Variants in TBC1D5 observed in about 807,000 individuals in gnomAD.
TBC1D5 encodes TBC1 domain family, member 5.
A neutral mutation model predicts 100.3 loss-of-function variants in TBC1D5; 75 were observed. The ratio of observed to expected loss-of-function variants is 0.75; its 90% CI spans 0.62 to 0.91. The LOEUF (loss-of-function observed/expected upper bound fraction) is 0.91. Ranked by LOEUF, TBC1D5 falls within the 40% of genes least tolerant of loss-of-function variation. The pLI is 0.00. For synonymous variants in TBC1D5, 323 were observed against 325.6 expected, an observed-to-expected ratio of 0.99 and a Z score of 0.09; for missense variants, 910 against 942.4, an observed-to-expected ratio of 0.97 and a Z score of 0.45.
At chr3:17,377,314 A>G (rs551500854) in intron 9 of TBC1D5, among the ~76,000 whole-genome samples, 31 of 152,088 alleles carry the variant, frequency 2.0e-4, no homozygotes, top group Non-Finnish European at 4.4e-4. Context: ...ACAAAAAGGT[A>G]TAATATTAGT....
At position 17,561,846 on chromosome 3, in the gene TBC1D5, C is replaced by T. The variant is rs1382896264; in HGVS notation, c.-35-53241G>A. On this transcript the variant is annotated intron_variant, in intron 2 of 21. Transcript: ENST00000253692. ...AGAGGAACGATCTCACAAAACATCACGAACAAGAAGTAATCTTTCCAAAAA... is the reference window on the plus strand; with the variant it reads ...AGAGGAACGATCTCACAAAACATCATGAACAAGAAGTAATCTTTCCAAAAA... Among the ~76,000 whole-genome samples, 6 of 152,054 alleles carry T rather than the reference C, an allele frequency of 3.9e-5. No individual in the cohort carries two copies. The South Asian group carries it at 6.2e-4, about 16-fold the overall frequency.
chr3:17,421,388 A>G lies in TBC1D5; in HGVS notation c.167+7062T>C, dbSNP rs371936748. ...ACAAATCTAAGAACAAACAAGATGC[A>G]AGAAAATTTGATGAGATTAAATATA... On this transcript the variant is annotated intron_variant, in intron 4 of 21. Transcript: ENST00000253692. Among the ~76,000 whole-genome samples the G allele has an allele frequency of 1.8e-4, 27 of 152,334 alleles. No homozygotes were observed. In the South Asian group the frequency reaches 5.6e-3, roughly 32 times the overall value.
rs1488979563 is a variant in TBC1D5, at chr3:17,393,317, T to A, written c.510-9302A>T. 2.6e-5 allele frequency among the ~76,000 whole-genome samples: 4 copies of A among 151,982 alleles called. No homozygotes were observed. The East Asian group carries it at 7.7e-4, about 29-fold the overall frequency. ...AACTACAAACCACTGCTCAAGGAAA[T>A]AAGAGAGGACACAAACAAATGGAAA... On this transcript the variant is annotated intron_variant, in intron 8 of 21. Coordinates refer to ENST00000253692, the Ensembl canonical transcript of TBC1D5.
At chr3:17,626,646 G>T (rs374927290) in intron 1 of TBC1D5, among the ~76,000 whole-genome samples, 1 of 152,064 alleles carries the variant, frequency 6.6e-6, no homozygotes, top group Admixed American at 6.6e-5. Flanking sequence ...CTTCACAGAG[G>T]GGGCAAGACA....
intron 2 of TBC1D5, among the ~76,000 whole-genome samples, chr3:17,582,767 T>G (rs1237950222): frequency 2.1e-5 from 3 of 143,238 alleles, no homozygotes; most frequent in Non-Finnish European, 4.6e-5. Flanking sequence ...TTAAAAAAAC[T>G]ACACAGATAC....
At chr3:17,504,165 T>C (rs1335891324) in intron 3 of TBC1D5, among the ~76,000 whole-genome samples, 22 of 268 alleles carry the variant, frequency 0.082, 1 homozygote, top group African/African-American at 0.23. Flanking sequence ...TAAGCAATTA[T>C]TAATTAACAT....
intron 13 of TBC1D5, among the ~76,000 whole-genome samples, chr3:17,318,837 G>C (rs1258822924): frequency 6.6e-6 from 1 of 152,050 alleles, no homozygotes; most frequent in East Asian, 1.9e-4. Context: ...GGTTTTTCTG[G>C]GTAGAAGAAA....
At chr3:17,571,136 A>G (rs1037841659) in intron 2 of TBC1D5, among the ~76,000 whole-genome samples, 4 of 152,046 alleles carry the variant, frequency 2.6e-5, no homozygotes, top group African/African-American at 9.7e-5. Flanking sequence ...AATCCTAGGA[A>G]AAAAATTTGC....
intron 16 of TBC1D5, among the ~76,000 whole-genome samples, chr3:17,257,228 T>C (rs1444659465): frequency 1.3e-5 from 2 of 152,110 alleles, no homozygotes; most frequent in East Asian, 3.8e-4. Flanking sequence ...AAAGGTCTTG[T>C]ATAAAGAAAA....
intron 17 of TBC1D5, among the ~76,000 whole-genome samples, chr3:17,236,960 C>G (rs1330859878): frequency 6.6e-6 from 1 of 152,128 alleles, no homozygotes; most frequent in Admixed American, 6.6e-5. Context: ...TTGAATAATA[C>G]TCAACATTTG....
At chr3:17,569,429 C>T (rs1424295979) in intron 2 of TBC1D5, among the ~76,000 whole-genome samples, 1 of 151,700 alleles carries the variant, frequency 6.6e-6, no homozygotes, top group Non-Finnish European at 1.5e-5. Context: ...CATATTGATT[C>T]AACATATTGA....
intron 3 of TBC1D5, among the ~76,000 whole-genome samples, chr3:17,440,400 C>A (rs1356553088): frequency 6.6e-6 from 1 of 152,098 alleles, no homozygotes; most frequent in African/African-American, 2.4e-5. Context: ...CAGAGGTGGG[C>A]AGATCACTTG....
At chr3:17,254,768 G>GGGC (rs1432169185) in intron 16 of TBC1D5, among the ~76,000 whole-genome samples, 1 of 99,830 alleles carries the variant, frequency 1.0e-5, no homozygotes, top group African/African-American at 3.8e-5. Flanking sequence ...GGCGGGGGTG[G>GGGC]GGGGGGGGTC....
At chr3:17,430,787 A>G (rs1170806749) in intron 3 of TBC1D5, among the ~76,000 whole-genome samples, 1 of 151,934 alleles carries the variant, frequency 6.6e-6, no homozygotes, top group African/African-American at 2.4e-5. Context: ...CTGTCTGACT[A>G]TGGAAAGGTT....
At chr3:17,186,313 C>T (rs1027903841) in intron 18 of TBC1D5, among the ~76,000 whole-genome samples, 3 of 152,068 alleles carry the variant, frequency 2.0e-5, no homozygotes, top group Admixed American at 6.6e-5. Flanking sequence ...GTAGATGTAT[C>T]CCATTTTAAC....
intron 15 of TBC1D5, among the ~76,000 whole-genome samples, chr3:17,277,003 C>A (rs1358101789): frequency 6.6e-6 from 1 of 152,204 alleles, no homozygotes; most frequent in Non-Finnish European, 1.5e-5. Flanking sequence ...GCCTGAGACA[C>A]CCCAGTCTGA....
intron 15 of TBC1D5, among the ~76,000 whole-genome samples, chr3:17,286,455 T>C (rs904391488): frequency 2.6e-5 from 4 of 152,212 alleles, no homozygotes; most frequent in African/African-American, 9.6e-5. Flanking sequence ...ATTTTTCAGA[T>C]TGTCCTCCTT....
At position 17,617,304 on chromosome 3, in the gene TBC1D5, C is replaced by T. The variant is rs112941060; in HGVS notation, c.-36+6545G>A. The stretch of plus-strand genomic sequence containing the variant: ...TGGGTAACTCGACCTTTCTGTCTGG[C>T]TGCCCTTAACATTTTTTCCTTCATT... On this transcript the variant is annotated intron_variant, in intron 2 of 21. Transcript: ENST00000253692. 2.6e-3 allele frequency among the ~76,000 whole-genome samples: 394 copies of T among 152,332 alleles called. 1 individual carries two copies. Among genetic ancestry groups the T allele is most frequent in the African/African-American group, 9.2e-3 (381 of 41,576 alleles).
intron 17 of TBC1D5, among the ~76,000 whole-genome samples, chr3:17,221,385 T>C (rs1261100103): frequency 6.6e-6 from 1 of 152,114 alleles, no homozygotes; most frequent in East Asian, 1.9e-4. Context: ...GCTGCACCCA[T>C]TAACTCGTCA....
Sources: gnomAD v4.1 joint callset for allele counts (sites outside exome capture counted in the v4.1 genomes callset) on GRCh38, gnomAD v4.1.1 for gene constraint, MANE v1.5 for transcripts, NCBI Gene and HGNC (gene_info 2026-07-23, HGNC 2026-07-21) for gene names.